Variants in RUNX2 observed in about 807,000 individuals in gnomAD.
RUNX2 encodes the protein runt-related transcription factor 2.
A neutral mutation model predicts 51.7 loss-of-function variants in RUNX2; 10 were observed. The ratio of observed to expected loss-of-function variants is 0.19; its 90% CI spans 0.12 to 0.33. The LOEUF is 0.33. RUNX2 is among the 10% of genes least tolerant of loss of function. RUNX2 has a pLI of 1.00. For synonymous variants in RUNX2, 276 were observed against 273.6 expected, an observed-to-expected ratio of 1.01 and a Z score of -0.09; for missense variants, 562 against 691.3, an observed-to-expected ratio of 0.81 and a Z score of 2.10.
chr6:45,524,040 T>G (rs1374292331), intron 7 of RUNX2, among the ~76,000 whole-genome samples: 1 of 152,248 alleles, frequency 6.6e-6, no homozygotes, highest in African/African-American at 2.4e-5. Context: ...AGAACTTTAA[T>G]TTGAATTGTT....
intron 2 of RUNX2, chr6:45,378,036 G>C (rs959962557): frequency 3.9e-5 from 6 of 152,088 alleles, no homozygotes; most frequent in Non-Finnish European, 5.9e-5. Context: ...CCCCCGCACT[G>C]GCAGTGCGGG....
At chr6:45,472,489 G>A (rs1429115240) in intron 5 of RUNX2, among the ~76,000 whole-genome samples, 4 of 152,296 alleles carry the variant, frequency 2.6e-5, no homozygotes, top group Non-Finnish European at 4.4e-5. Context: ...ACACAGGAGC[G>A]GGGCTGTCTG....
chr6:45,448,955 C>G (rs1234493842), intron 5 of RUNX2, among the ~76,000 whole-genome samples: 1 of 152,140 alleles, frequency 6.6e-6, no homozygotes, highest in African/African-American at 2.4e-5. Flanking sequence ...GTCTGGGTTA[C>G]TAATTCTAGA....
chr6:45,339,511 T>C (rs1012851068), intron 2 of RUNX2, among the ~76,000 whole-genome samples: 5 of 152,112 alleles, frequency 3.3e-5, no homozygotes, highest in African/African-American at 1.2e-4. Context: ...TTCCTTCCTT[T>C]TCTTCCAATA....
At chr6:45,337,758 A>C (rs1051803543) in intron 2 of RUNX2, among the ~76,000 whole-genome samples, 2 of 151,880 alleles carry the variant, frequency 1.3e-5, no homozygotes, top group Admixed American at 6.6e-5. Flanking sequence ...ACGCCCCTCC[A>C]CTGTTGGTTG....
intron 5 of RUNX2, among the ~76,000 whole-genome samples, chr6:45,453,035 C>T (rs1356042030): frequency 6.6e-6 from 1 of 152,178 alleles, no homozygotes; most frequent in East Asian, 1.9e-4. Flanking sequence ...TCTTCATTGT[C>T]CATGACATTT....
chr6:45,523,953 C>CA (rs1054497806), intron 7 of RUNX2, among the ~76,000 whole-genome samples: 39 of 149,674 alleles, frequency 2.6e-4, no homozygotes, highest in East Asian at 2.6e-3. Flanking sequence ...AAAACGAAAA[C>CA]AAAAAAAAAG....
intron 5 of RUNX2, among the ~76,000 whole-genome samples, chr6:45,489,226 C>A (rs1329475736): frequency 1.3e-5 from 2 of 152,024 alleles, no homozygotes; most frequent in African/African-American, 4.8e-5. Flanking sequence ...TTCTAGGGTG[C>A]CTGTAGATAC....
intron 7 of RUNX2, among the ~76,000 whole-genome samples, chr6:45,519,729 T>G (rs946110714): frequency 2.6e-5 from 4 of 151,868 alleles, no homozygotes; most frequent in African/African-American, 9.7e-5. Flanking sequence ...GGCTTATTAA[T>G]GCATTTCATT....
At chr6:45,438,281 G>A (rs1218506977) in intron 5 of RUNX2, among the ~76,000 whole-genome samples, 1 of 152,046 alleles carries the variant, frequency 6.6e-6, no homozygotes, top group African/African-American at 2.4e-5. Context: ...CCGTAGCTTT[G>A]GGAAATGAGT....
intron 3 of RUNX2, among the ~76,000 whole-genome samples, chr6:45,429,496 C>T (rs569965352): frequency 1.3e-5 from 2 of 152,196 alleles, no homozygotes; most frequent in African/African-American, 4.8e-5. Context: ...ATTCAGTAGC[C>T]GCTTGAGATA....
intron 2 of RUNX2, among the ~76,000 whole-genome samples, chr6:45,351,551 A>C (rs970412250): frequency 6.6e-6 from 1 of 152,142 alleles, no homozygotes; most frequent in African/African-American, 2.4e-5. Flanking sequence ...GGACGATGAG[A>C]TTTCCAAGGT....
At chr6:45,463,025 C>A (rs900508101) in intron 5 of RUNX2, among the ~76,000 whole-genome samples, 1 of 152,202 alleles carries the variant, frequency 6.6e-6, no homozygotes. Flanking sequence ...GTGGCACAGG[C>A]ACCTTTACAG....
At chr6:45,375,822 G>A (rs1796699798) in intron 2 of RUNX2, among the ~76,000 whole-genome samples, 1 of 148,902 alleles carries the variant, frequency 6.7e-6, no homozygotes, top group Non-Finnish European at 1.5e-5. Context: ...ATATACACTT[G>A]CTTTAAAAAA....
rs564461142 is a variant in RUNX2 at position 45,547,242 on chromosome 6, C to T, written c.1503C>T (p.Ser501=). The change falls in exon 9 of 9, where the codon AGC becomes AGT. Residue 501 remains serine (S), a synonymous_variant. Transcript: ENST00000647337. The part of the protein sequence containing the change: ...NDGVDADGSH[S]SSPTVLNSSG... The stretch of plus-strand genomic sequence containing the variant: ...GTGTTGACGCTGATGGAAGCCACAG[C>T]AGTTCCCCAACTGTTTTGAATTCTA... 1.9e-6 allele frequency: 3 copies of T among 1,614,188 alleles called. No individual in the cohort carries two copies. Among genetic ancestry groups the T allele is most frequent in the South Asian group, 1.1e-5 (1 of 91,080 alleles).
At chr6:45,533,283 T>C (rs1801920759) in intron 7 of RUNX2, among the ~76,000 whole-genome samples, 1 of 152,232 alleles carries the variant, frequency 6.6e-6, no homozygotes, top group African/African-American at 2.4e-5. Flanking sequence ...TTTGGCTGTT[T>C]GAAGGCTTTT....
intron 7 of RUNX2, among the ~76,000 whole-genome samples, chr6:45,518,997 T>C (rs1319369929): frequency 6.6e-6 from 1 of 152,184 alleles, no homozygotes; most frequent in Non-Finnish European, 1.5e-5. Flanking sequence ...AGTTAATTTA[T>C]TGTGCCTCAG....
intron 7 of RUNX2, among the ~76,000 whole-genome samples, chr6:45,538,368 C>T (rs1246371067): frequency 2.0e-5 from 3 of 152,188 alleles, no homozygotes; most frequent in Non-Finnish European, 4.4e-5. Context: ...CCCACCCCCT[C>T]ATTTGCACAT....
intron 2 of RUNX2, among the ~76,000 whole-genome samples, chr6:45,357,767 T>C (rs1194575584): frequency 6.6e-6 from 1 of 152,180 alleles, no homozygotes; most frequent in African/African-American, 2.4e-5. Flanking sequence ...TTTGTAAATC[T>C]AGCTACATAA....
Sources: allele counts gnomAD v4.1 joint callset (sites outside exome capture counted in the v4.1 genomes callset), GRCh38; gene constraint gnomAD v4.1.1; transcripts MANE v1.5; gene names NCBI Gene and HGNC (gene_info 2026-07-23, HGNC 2026-07-21).